Variants in BABAM2 observed in about 807,000 individuals in gnomAD.
BABAM2 encodes the protein BRISC and BRCA1 A complex member 2.
Under a neutral mutation model 54.7 loss-of-function variants are expected in BABAM2, and 31 were observed. The ratio of observed to expected loss-of-function variants is 0.57; its 90% CI spans 0.43 to 0.77. BABAM2 has a LOEUF of 0.77. Among genes scored for constraint, BABAM2 ranks in the 30% least tolerant of loss-of-function variants. The probability of loss-of-function intolerance (pLI) is 0.00; values close to 1 mark genes in which losing one functional copy is unlikely to be tolerated. For synonymous variants in BABAM2, 167 were observed against 162.9 expected (o/e 1.03, Z -0.19); for missense variants, 364 against 455.8 (o/e 0.80, Z 1.83).
At chr2:28,156,976 C>G (rs1157525194) in intron 7 of BABAM2, among the ~76,000 whole-genome samples, 2 of 152,168 alleles carry the variant, frequency 1.3e-5, no homozygotes, top group African/African-American at 2.4e-5. Flanking sequence ...AAGTGAATTA[C>G]ATATTTCTCT....
chr2:27,954,566 G>T (rs1669956456), intron 3 of BABAM2, among the ~76,000 whole-genome samples: 1 of 152,218 alleles, frequency 6.6e-6, no homozygotes, highest in African/African-American at 2.4e-5. Context: ...GGAAAGTGTT[G>T]TGTGGGAGAA....
intron 11 of BABAM2, among the ~76,000 whole-genome samples, chr2:28,323,666 G>A (rs180672702): frequency 4.6e-5 from 7 of 152,074 alleles, no homozygotes; most frequent in African/African-American, 9.7e-5. Context: ...TTGACTATGC[G>A]GGATGATGTT....
chr2:28,024,604 T>C (rs1417433408), intron 4 of BABAM2, among the ~76,000 whole-genome samples: 1 of 152,192 alleles, frequency 6.6e-6, no homozygotes, highest in Non-Finnish European at 1.5e-5. Flanking sequence ...GCTTTTTTCT[T>C]GGAACCATCC....
At chr2:27,890,141 C>CTGGAGGGATAG, upstream of BABAM2, 2 of 894,984 alleles carry the variant, frequency 2.2e-6, no homozygotes, top group Non-Finnish European at 3.4e-6. The surrounding 1 kb of genome is among the most constrained non-coding windows in gnomAD (Gnocchi z 4.8). Flanking sequence ...AGCTCATACC[C>CTGGAGGGATAG]AAAGCTAGCA....
At chr2:28,115,757 G>A (rs1380229374) in intron 6 of BABAM2, among the ~76,000 whole-genome samples, 3 of 152,090 alleles carry the variant, frequency 2.0e-5, no homozygotes, top group Non-Finnish European at 2.9e-5. Context: ...GAGACCTGAT[G>A]GAGTGATGAC....
chr2:28,323,331 A>G (rs1690187070), intron 11 of BABAM2, among the ~76,000 whole-genome samples: 2 of 152,076 alleles, frequency 1.3e-5, no homozygotes, highest in Admixed American at 1.3e-4. Flanking sequence ...TAGACGGCTC[A>G]GACCCGTGCA....
chr2:27,920,112 T>C (rs1344439867), intron 2 of BABAM2, among the ~76,000 whole-genome samples: 1 of 152,192 alleles, frequency 6.6e-6, no homozygotes, highest in Non-Finnish European at 1.5e-5. Context: ...ATATCATATG[T>C]CATCAAATGC....
At chr2:27,989,741 G>T (rs1333061718) in intron 4 of BABAM2, among the ~76,000 whole-genome samples, 1 of 152,098 alleles carries the variant, frequency 6.6e-6, no homozygotes, top group Non-Finnish European at 1.5e-5. Context: ...TTGAGCTAGG[G>T]TGATGCAAGA....
At position 28,037,224 on chromosome 2, in the gene BABAM2, A is replaced by T. The variant is rs142470013; in HGVS notation, c.496-8501A>T. ...CCTGTCCAGGTAAGCACTAATATAA[A>T]TTTTTTCTAGTATAGATTTTCAGAG... is the stretch of plus-strand genomic sequence containing the variant. On this transcript the variant is annotated intron_variant, in intron 5 of 11. Coordinates refer to ENST00000379624, the MANE Select transcript of BABAM2 (RefSeq NM_199191.3). Among the ~76,000 whole-genome samples, 179 of 152,156 alleles carry T rather than the reference A, an allele frequency of 1.2e-3. 1 individual carries two copies. Among genetic ancestry groups the T allele is most frequent in the African/African-American group, 4.3e-3 (177 of 41,504 alleles).
chr2:28,232,051 C>G (rs1234924467), intron 7 of BABAM2, among the ~76,000 whole-genome samples: 1 of 152,012 alleles, frequency 6.6e-6, no homozygotes, highest in East Asian at 1.9e-4. Context: ...AGCAGTCATC[C>G]TGCCTCAGCC....
chr2:28,273,399 G>A (rs920092746), intron 10 of BABAM2, among the ~76,000 whole-genome samples: 5 of 152,132 alleles, frequency 3.3e-5, no homozygotes, highest in African/African-American at 1.2e-4. Flanking sequence ...AGGGAGGATT[G>A]GTTGCTGAAC....
intron 1 of BABAM2, among the ~76,000 whole-genome samples, chr2:27,891,555 T>A (rs1342695151): frequency 1.3e-5 from 2 of 152,162 alleles, no homozygotes; most frequent in African/African-American, 4.8e-5. Flanking sequence ...TTTGTATATC[T>A]GGGGTGTATT....
intron 6 of BABAM2, among the ~76,000 whole-genome samples, chr2:28,055,330 G>A (rs1022066820): frequency 6.6e-6 from 1 of 152,000 alleles, no homozygotes; most frequent in Non-Finnish European, 1.5e-5. Context: ...TATTACCTGG[G>A]TAACAAAATA....
chr2:28,191,881 A>G (rs912306891), intron 7 of BABAM2, among the ~76,000 whole-genome samples: 2 of 152,160 alleles, frequency 1.3e-5, no homozygotes, highest in Non-Finnish European at 2.9e-5. Flanking sequence ...GAAATGTACA[A>G]TTGTACATCA....
chr2:28,072,204 C>T (rs1664207995), intron 6 of BABAM2, among the ~76,000 whole-genome samples: 1 of 151,588 alleles, frequency 6.6e-6, no homozygotes, highest in African/African-American at 2.4e-5. Flanking sequence ...GATGAAGTCT[C>T]ACTCTGTCAC....
intron 7 of BABAM2, among the ~76,000 whole-genome samples, chr2:28,188,218 A>C (rs1038433856): frequency 6.6e-6 from 1 of 152,142 alleles, no homozygotes; most frequent in African/African-American, 2.4e-5. Flanking sequence ...CACCTTCTCC[A>C]TTCTACCTAC....
intron 7 of BABAM2, among the ~76,000 whole-genome samples, chr2:28,154,703 A>G (rs1296366353): frequency 6.6e-6 from 1 of 152,204 alleles, no homozygotes; most frequent in African/African-American, 2.4e-5. Context: ...ACTTCTAGCT[A>G]GAAGAGTCGT....
At chr2:27,894,882 C>A in intron 2 of BABAM2, 198 bp downstream of exon 2, 1 of 562,070 alleles carries the variant, frequency 1.8e-6, no homozygotes, top group Non-Finnish European at 3.0e-6. Flanking sequence ...GTGTTGTGGA[C>A]CATTGTTTTA....
chr2:28,055,010 A>C (rs1175200628), intron 6 of BABAM2, among the ~76,000 whole-genome samples: 1 of 152,228 alleles, frequency 6.6e-6, no homozygotes, highest in African/African-American at 2.4e-5. Context: ...CATGGAATCA[A>C]CTTAAATGCC....
Sources: gnomAD v4.1 joint callset for allele counts (sites outside exome capture counted in the v4.1 genomes callset) on GRCh38, gnomAD v4.1.1 for gene constraint, Gnocchi (gnomAD v3.1) non-coding constraint, MANE v1.5 for transcripts, NCBI Gene and HGNC (gene_info 2026-07-23, HGNC 2026-07-21) for gene names.